IMMP2L: variants seen among roughly 807,000 people sequenced by gnomAD.
IMMP2L encodes the protein inner mitochondrial membrane peptidase subunit 2, also known as mitochondrial inner membrane protease subunit 2.
In IMMP2L, 18 loss-of-function variants were observed where a neutral mutation model predicts 19.3. That is an observed-to-expected ratio of 0.93 (90% CI 0.64 to 1.38). IMMP2L has a LOEUF of 1.38. Among genes scored for constraint, IMMP2L ranks in the 40% most tolerant of loss-of-function variants. The pLI, the probability that IMMP2L is intolerant of heterozygous loss-of-function variation, is 0.00. For missense variants in IMMP2L, 233 were observed against 218.2 expected, an observed-to-expected ratio of 1.07 and a Z score of -0.43; for synonymous variants, 76 against 73.0, an observed-to-expected ratio of 1.04 and a Z score of -0.21.
Position 110,844,170 on chromosome 7 carries a change from C to T in IMMP2L, c.408+42423G>A, listed in dbSNP as rs373837449. Among the ~76,000 whole-genome samples, 12 of 152,242 alleles carry T rather than the reference C, an allele frequency of 7.9e-5. No homozygotes were observed. The East Asian group carries it at 1.2e-3, about 15-fold the overall frequency. On this transcript the variant is annotated intron_variant, in intron 5 of 5. Coordinates refer to ENST00000405709, the MANE Select transcript of IMMP2L (RefSeq NM_032549.4). The stretch of plus-strand genomic sequence containing the variant: ...GTGTATTCATCTGAGAAACATTTTT[C>T]GACATCTATTATTTGCCAGTTCCAC...
rs1415071299 is a variant in IMMP2L, at chr7:111,384,200, A to AAGGAGAGAAGAGAG, written c.239+103024_239+103037dup. The stretch of plus-strand genomic sequence containing the variant: ...AGGAGAAGGAGAAGGAGAAAGGAGA[A>AAGGAGAGAAGAGAG]AGGAGAGAAGAGAGAGGAGAGAGGA... On this transcript the variant is annotated intron_variant, in intron 3 of 5. Transcript: ENST00000405709. Among the ~76,000 whole-genome samples, 26 of 150,896 alleles carry AAGGAGAGAAGAGAG rather than the reference A, an allele frequency of 1.7e-4. No homozygotes were observed. The South Asian group carries it at 1.9e-3, about 11-fold the overall frequency.
At chr7:111,499,376 A>G (rs1437769301) in intron 2 of IMMP2L, among the ~76,000 whole-genome samples, 1 of 152,098 alleles carries the variant, frequency 6.6e-6, no homozygotes, top group Non-Finnish European at 1.5e-5. Context: ...TATCCCTCAC[A>G]TATGCAAAAT....
intron 3 of IMMP2L, among the ~76,000 whole-genome samples, chr7:111,291,259 G>A (rs1233477776): frequency 6.6e-6 from 1 of 152,180 alleles, no homozygotes; most frequent in Non-Finnish European, 1.5e-5. Context: ...AGAAGCCTTT[G>A]CAGAAGACCA....
At chr7:111,064,026 C>T (rs1163132962) in intron 3 of IMMP2L, among the ~76,000 whole-genome samples, 5 of 152,148 alleles carry the variant, frequency 3.3e-5, no homozygotes, top group Non-Finnish European at 5.9e-5. Flanking sequence ...TCTACTGGTA[C>T]CAATTTACTG....
At chr7:111,544,887 C>T (rs930929016) in intron 1 of IMMP2L, among the ~76,000 whole-genome samples, 24 of 151,118 alleles carry the variant, frequency 1.6e-4, no homozygotes, top group African/African-American at 5.8e-4. Flanking sequence ...ATTAAAGGAT[C>T]CCTGAGAATG....
intron 5 of IMMP2L, among the ~76,000 whole-genome samples, chr7:110,874,350 T>C (rs1383002708): frequency 1.3e-5 from 2 of 152,078 alleles, no homozygotes; most frequent in Non-Finnish European, 2.9e-5. Context: ...CTTTCCATAA[T>C]GGGGCATCCT....
intron 3 of IMMP2L, chr7:111,125,556 G>A (rs1801204374): frequency 6.2e-6 from 1 of 161,426 alleles, no homozygotes; most frequent in African/African-American, 2.4e-5. Context: ...CTTGGGTGAT[G>A]GGACTACCTA....
At chr7:110,671,932 T>A (rs1791950070) in intron 5 of IMMP2L, among the ~76,000 whole-genome samples, 1 of 152,114 alleles carries the variant, frequency 6.6e-6, no homozygotes, top group Non-Finnish European at 1.5e-5. Flanking sequence ...CCTCACCAGA[T>A]GCTGAATTTG....
intron 1 of IMMP2L, among the ~76,000 whole-genome samples, chr7:111,556,470 T>A (rs1791373766): frequency 6.6e-6 from 1 of 152,080 alleles, no homozygotes; most frequent in Non-Finnish European, 1.5e-5. Context: ...AGAACAATTA[T>A]CTCCTAAGAG....
chr7:111,512,888 T>C (rs1845575103), intron 2 of IMMP2L, among the ~76,000 whole-genome samples: 1 of 152,132 alleles, frequency 6.6e-6, no homozygotes, highest in African/African-American at 2.4e-5. Flanking sequence ...CTTGGAAAAC[T>C]GAATATCCAC....
chr7:111,351,916 A>G (rs1251602056), intron 3 of IMMP2L, among the ~76,000 whole-genome samples: 1 of 152,206 alleles, frequency 6.6e-6, no homozygotes, highest in Non-Finnish European at 1.5e-5. Context: ...ATTAACATGC[A>G]GCTGAATCTG....
intron 4 of IMMP2L, among the ~76,000 whole-genome samples, chr7:110,908,280 A>G (rs535854353): frequency 9.2e-5 from 14 of 152,332 alleles, no homozygotes; most frequent in African/African-American, 3.4e-4. Flanking sequence ...TTATAGTTTA[A>G]TATCACTAAA....
intron 3 of IMMP2L, among the ~76,000 whole-genome samples, chr7:111,285,875 A>C (rs998630404): frequency 6.6e-6 from 1 of 152,184 alleles, no homozygotes; most frequent in Non-Finnish European, 1.5e-5. Context: ...TAATGTGCTT[A>C]ATACTTCTGC....
At chr7:111,557,969 C>G (rs1413089048) in intron 1 of IMMP2L, among the ~76,000 whole-genome samples, 1 of 151,812 alleles carries the variant, frequency 6.6e-6, no homozygotes, top group Non-Finnish European at 1.5e-5. Context: ...ACATCTGTTA[C>G]TGTAGTACAG....
chr7:110,780,428 T>C (rs1249151116), intron 5 of IMMP2L, among the ~76,000 whole-genome samples: 1 of 151,848 alleles, frequency 6.6e-6, no homozygotes, highest in African/African-American at 2.4e-5. Flanking sequence ...AAAGTCTCTA[T>C]ATTTCTGCAA....
At chr7:110,984,767 T>C (rs1821682062) in intron 3 of IMMP2L, among the ~76,000 whole-genome samples, 1 of 152,108 alleles carries the variant, frequency 6.6e-6, no homozygotes, top group Admixed American at 6.6e-5. Flanking sequence ...TCAAGTATGA[T>C]CGTGCATCTT....
intron 3 of IMMP2L, among the ~76,000 whole-genome samples, chr7:111,319,662 C>CTATA (rs1384864612): frequency 1.3e-5 from 2 of 151,988 alleles, no homozygotes; most frequent in Non-Finnish European, 2.9e-5. Context: ...ATACAGAAGG[C>CTATA]TATATTCTAT....
At chr7:111,150,876 A>G (rs1177556637) in intron 3 of IMMP2L, among the ~76,000 whole-genome samples, 16 of 152,286 alleles carry the variant, frequency 1.1e-4, no homozygotes, top group African/African-American at 3.4e-4. Flanking sequence ...CATGGCTTCC[A>G]TATAACCAAC....
intron 3 of IMMP2L, among the ~76,000 whole-genome samples, chr7:111,142,601 G>T (rs936075324): frequency 6.6e-6 from 1 of 152,038 alleles, no homozygotes; most frequent in African/African-American, 2.4e-5. Context: ...CAGGGATTCA[G>T]GTAGAAAATA....
Sources: allele counts gnomAD v4.1 joint callset (sites outside exome capture counted in the v4.1 genomes callset), GRCh38; gene constraint gnomAD v4.1.1; transcripts MANE v1.5; gene names NCBI Gene and HGNC (gene_info 2026-07-23, HGNC 2026-07-21).